The following NELL1 variants were observed in gnomAD, a reference collection of about 807,000 sequenced individuals.
The protein encoded by NELL1 is neural EGFL like 1, also known as protein kinase C-binding protein NELL1.
Under a neutral mutation model 107.4 loss-of-function variants are expected in NELL1, and 76 were observed. That is an observed-to-expected ratio of 0.71 (90% CI 0.59 to 0.86). The LOEUF (loss-of-function observed/expected upper bound fraction) is 0.86. Ranked by LOEUF, NELL1 falls within the 40% of genes least tolerant of loss-of-function variation. The pLI, the probability that NELL1 is intolerant of heterozygous loss-of-function variation, is 0.00. For synonymous variants in NELL1, 353 were observed against 341.2 expected (o/e 1.03, Z -0.38); for missense variants, 1,024 against 1,005.5 (o/e 1.02, Z -0.25).
In NELL1 at chr11:21,370,142, T is replaced by G. The variant is rs1298244468; in HGVS notation, c.1550-711T>G. 2.6e-5 allele frequency among the ~76,000 whole-genome samples: 4 copies of G among 152,058 alleles called. No individual in the cohort carries two copies. The East Asian group carries it at 5.8e-4, about 22-fold the overall frequency. On this transcript the variant is annotated intron_variant, in intron 14 of 19. Transcript: ENST00000357134. ...AAGTATGTACTAACGGGAACTAACC[T>G]GGTCTGGGAAGGCTGACAGCATAGC...
chr11:20,741,468 C>T (rs916824974), intron 2 of NELL1, among the ~76,000 whole-genome samples: 1 of 152,166 alleles, frequency 6.6e-6, no homozygotes, highest in Non-Finnish European at 1.5e-5. Flanking sequence ...CTCCAGGTCT[C>T]TGAAGCCTAC....
At chr11:20,722,021 T>C (rs868340849) in intron 2 of NELL1, among the ~76,000 whole-genome samples, 30 of 30,310 alleles carry the variant, frequency 9.9e-4, no homozygotes, top group Non-Finnish European at 1.4e-3. Flanking sequence ...GAGTCTCTCT[T>C]TTTTTTTTTT....
intron 13 of NELL1, among the ~76,000 whole-genome samples, chr11:21,144,389 A>C (rs976915605): frequency 6.6e-6 from 1 of 152,164 alleles, no homozygotes; most frequent in Non-Finnish European, 1.5e-5. Flanking sequence ...ATATGCATGC[A>C]TGTTTACATC....
intron 12 of NELL1, among the ~76,000 whole-genome samples, chr11:21,027,145 A>G (rs995725190): frequency 6.6e-5 from 10 of 152,194 alleles, no homozygotes; most frequent in African/African-American, 2.4e-4. Flanking sequence ...TGAAATTTAT[A>G]TGAAAAGTGC....
chr11:21,132,704 C>T (rs1031465493), intron 13 of NELL1, among the ~76,000 whole-genome samples: 7 of 151,108 alleles, frequency 4.6e-5, no homozygotes, highest in South Asian at 2.1e-4. Context: ...AGCCCTGGCT[C>T]GGGGAGCCCC....
intron 15 of NELL1, among the ~76,000 whole-genome samples, chr11:21,389,685 G>A (rs549096381): frequency 2.1e-4 from 32 of 151,942 alleles, no homozygotes; most frequent in Non-Finnish European, 4.3e-4. Context: ...TATAAGGCCT[G>A]TTTGTGTCCA....
At chr11:20,816,862 G>GT (rs745659471) in intron 3 of NELL1, among the ~76,000 whole-genome samples, 28 of 152,016 alleles carry the variant, frequency 1.8e-4, no homozygotes, top group Non-Finnish European at 3.5e-4. Flanking sequence ...AGATATTGGA[G>GT]TTTACCAAAA....
At chr11:21,531,396 G>C (rs951250405) in intron 15 of NELL1, among the ~76,000 whole-genome samples, 15 of 152,108 alleles carry the variant, frequency 9.9e-5, no homozygotes, top group African/African-American at 3.1e-4. Context: ...ACAAAAACTA[G>C]TTCTAGCTAG....
At chr11:20,880,415 A>C (rs1041639102) in intron 4 of NELL1, among the ~76,000 whole-genome samples, 3 of 152,240 alleles carry the variant, frequency 2.0e-5, no homozygotes, top group Admixed American at 1.3e-4. Context: ...ATGACAATCC[A>C]TACAGTTAAC....
chr11:20,973,532 C>A (rs1164094971), intron 12 of NELL1, among the ~76,000 whole-genome samples: 1 of 152,212 alleles, frequency 6.6e-6, no homozygotes, highest in Non-Finnish European at 1.5e-5. Flanking sequence ...TCTGAATGAA[C>A]TGATGAATAA....
rs182157611 is a variant in NELL1 at position 20,971,440 on chromosome 11, G to A, written c.1300+10880G>A. The stretch of plus-strand genomic sequence containing the variant: ...TTTAAATGGAAATAGAAATGTAGTC[G>A]CTTTAAACTTTTTTGGTTATTTAAA... On this transcript the variant is annotated intron_variant, in intron 12 of 19. Transcript: ENST00000357134. 4.6e-5 allele frequency among the ~76,000 whole-genome samples: 7 copies of A among 152,206 alleles called. No homozygotes were observed. In the East Asian group the frequency reaches 7.7e-4, roughly 17 times the overall value.
At chr11:20,990,844 A>T (rs1172658008) in intron 12 of NELL1, among the ~76,000 whole-genome samples, 1 of 152,082 alleles carries the variant, frequency 6.6e-6, no homozygotes, top group Non-Finnish European at 1.5e-5. Flanking sequence ...CTCAGCTTTG[A>T]TACTAATTCT....
chr11:20,958,833 GT>G (rs1490110064), intron 11 of NELL1, among the ~76,000 whole-genome samples: 2 of 152,152 alleles, frequency 1.3e-5, no homozygotes, highest in African/African-American at 4.8e-5. Flanking sequence ...TAGCAGCTTT[GT>G]TTCTCAGTGA....
intron 13 of NELL1, among the ~76,000 whole-genome samples, chr11:21,128,467 T>C (rs1339296768): frequency 6.6e-6 from 1 of 152,150 alleles, no homozygotes; most frequent in Non-Finnish European, 1.5e-5. Flanking sequence ...ATATAAGGCA[T>C]CAGAAATATC....
chr11:20,760,205 AAG>A (rs1399004177), intron 2 of NELL1, among the ~76,000 whole-genome samples: 13 of 152,236 alleles, frequency 8.5e-5, no homozygotes, highest in African/African-American at 3.1e-4. Flanking sequence ...GGCAAATGAA[AAG>A]AGGAGATTGA....
At chr11:21,254,739 C>A (rs1020880659) in intron 14 of NELL1, among the ~76,000 whole-genome samples, 2 of 151,994 alleles carry the variant, frequency 1.3e-5, no homozygotes, top group African/African-American at 4.8e-5. Context: ...AGTTGGTGAG[C>A]TTTCTATTTG....
At chr11:20,760,472 T>C (rs1375438001) in intron 2 of NELL1, among the ~76,000 whole-genome samples, 1 of 152,176 alleles carries the variant, frequency 6.6e-6, no homozygotes, top group Non-Finnish European at 1.5e-5. Context: ...AGATTACTAA[T>C]AGTTTTATGT....
At position 21,571,057 on chromosome 11, in the gene NELL1, G is replaced by A. The variant is rs74770541; in HGVS notation, c.2157+117G>A. On this transcript the variant is annotated intron_variant, in intron 18 of 19. Coordinates refer to ENST00000357134, the MANE Select transcript of NELL1 (RefSeq NM_006157.5). ...TAATACTATACAGGGAGCTCTGTGG[G>A]GCCTGTGGCTAAGGGTCATGTTCTC... 9,999 of 847,166 alleles carry A rather than the reference G, an allele frequency of 0.012. 627 individuals carry two copies. In the African/African-American group the frequency reaches 0.15, roughly 12 times the overall value. 52.5% of individuals were successfully genotyped at this position (847,166 alleles called of 1,614,324 possible). A position where few individuals can be genotyped will look rare whatever the true frequency, so the allele number is the denominator to read the frequency against.
chr11:21,156,787 C>A (rs1039798319), intron 13 of NELL1, among the ~76,000 whole-genome samples: 1 of 151,904 alleles, frequency 6.6e-6, no homozygotes, highest in Non-Finnish European at 1.5e-5. Context: ...ATCATTAGAG[C>A]AGCTATTAAT....
Sources: allele counts gnomAD v4.1 joint callset (sites outside exome capture counted in the v4.1 genomes callset), GRCh38; gene constraint gnomAD v4.1.1; transcripts MANE v1.5; gene names NCBI Gene and HGNC (gene_info 2026-07-23, HGNC 2026-07-21).